Variants in NEGR1 observed in about 807,000 individuals in gnomAD.
The protein encoded by NEGR1 is IgLON family member 4.
In NEGR1, 10 loss-of-function variants were observed where a neutral mutation model predicts 40.9. The ratio of observed to expected loss-of-function variants is 0.24; its 90% confidence interval spans 0.15 to 0.42. The LOEUF is 0.42. Among genes scored for constraint, NEGR1 ranks in the 10% least tolerant of loss-of-function variants. The probability of loss-of-function intolerance (pLI) is 1.00; values close to 1 mark genes in which losing one functional copy is unlikely to be tolerated. For missense variants in NEGR1, 352 were observed against 438.9 expected, an observed-to-expected ratio of 0.80 and a Z score of 1.77; for synonymous variants, 185 against 166.8, an observed-to-expected ratio of 1.11 and a Z score of -0.84.
intron 3 of NEGR1, among the ~76,000 whole-genome samples, chr1:71,743,407 GT>G (rs201865058): frequency 0.035 from 5,074 of 143,474 alleles, 138 homozygotes; most frequent in Admixed American, 0.089. Flanking sequence ...GCTGTCATTG[GT>G]TTTTTTTTTT....
At chr1:71,859,833 G>T (rs1196659564) in intron 2 of NEGR1, among the ~76,000 whole-genome samples, 1 of 151,984 alleles carries the variant, frequency 6.6e-6, no homozygotes, top group Non-Finnish European at 1.5e-5. Context: ...GTATTTAATT[G>T]TTCAGTAAAA....
chr1:71,705,532 A>T (rs547157137), intron 3 of NEGR1, among the ~76,000 whole-genome samples: 2 of 152,294 alleles, frequency 1.3e-5, no homozygotes, highest in African/African-American at 4.8e-5. Flanking sequence ...ACAAATTTTG[A>T]AAGTCAGTAA....
chr1:71,996,344 T>G (rs1646504625), intron 1 of NEGR1, among the ~76,000 whole-genome samples: 1 of 152,174 alleles, frequency 6.6e-6, no homozygotes, highest in African/African-American at 2.4e-5. Flanking sequence ...TAGGATCATA[T>G]GCTACCCTAC....
At chr1:71,844,411 T>A (rs1479534417) in intron 2 of NEGR1, among the ~76,000 whole-genome samples, 1 of 152,200 alleles carries the variant, frequency 6.6e-6, no homozygotes, top group African/African-American at 2.4e-5. Flanking sequence ...AAATCAGTTT[T>A]ACTTATGGTT....
chr1:71,456,966 C>T (rs1388830674), intron 6 of NEGR1, among the ~76,000 whole-genome samples: 1 of 152,110 alleles, frequency 6.6e-6, no homozygotes, highest in Non-Finnish European at 1.5e-5. Flanking sequence ...TTGAATGTAT[C>T]CTGTTCTGGG....
At chr1:72,162,482 A>G (rs184420489) in intron 1 of NEGR1, among the ~76,000 whole-genome samples, 233 of 152,112 alleles carry the variant, frequency 1.5e-3, no homozygotes, top group Middle Eastern at 3.4e-3. Context: ...ACAAACAAAC[A>G]AAAGAAAAAC....
chr1:71,461,700 ATCTACAT>A (rs2101344291), intron 6 of NEGR1: 1 of 152,300 alleles, frequency 6.6e-6, no homozygotes, highest in South Asian at 2.1e-4. Context: ...GAAAGAGGCA[ATCTACAT>A]TTATGGCTGA....
intron 3 of NEGR1, among the ~76,000 whole-genome samples, chr1:71,775,901 G>A (rs1351717086): frequency 6.6e-6 from 1 of 151,788 alleles, no homozygotes; most frequent in East Asian, 2.0e-4. Context: ...GCTGAGGCAG[G>A]AGAATCGCTT....
At chr1:71,876,414 C>T (rs1007440495) in intron 2 of NEGR1, among the ~76,000 whole-genome samples, 1 of 151,834 alleles carries the variant, frequency 6.6e-6, no homozygotes, top group African/African-American at 2.4e-5. Flanking sequence ...AATCTAGGGG[C>T]TCAGTCAGGA....
At chr1:71,975,918 G>A (rs1023267385) in intron 1 of NEGR1, among the ~76,000 whole-genome samples, 8 of 152,190 alleles carry the variant, frequency 5.3e-5, no homozygotes, top group Non-Finnish European at 2.9e-5. Flanking sequence ...TCAAGCACCA[G>A]TTATTTGGAG....
chr1:72,138,505 A>C (rs950157005), intron 1 of NEGR1, among the ~76,000 whole-genome samples: 1 of 151,990 alleles, frequency 6.6e-6, no homozygotes, highest in Non-Finnish European at 1.5e-5. Context: ...AAAGACATAA[A>C]TAAGTTAAAA....
chr1:71,959,747 C>T (rs1474825873), intron 1 of NEGR1, among the ~76,000 whole-genome samples: 5 of 151,860 alleles, frequency 3.3e-5, no homozygotes, highest in African/African-American at 1.2e-4. Context: ...TCCAATTTTA[C>T]TTTAAATATT....
intron 5 of NEGR1, among the ~76,000 whole-genome samples, chr1:71,597,965 T>G (rs939300325): frequency 1.3e-5 from 2 of 151,902 alleles, no homozygotes; most frequent in Non-Finnish European, 2.9e-5. Flanking sequence ...GTGTTACGAG[T>G]GTGAAAAATC....
At chr1:71,943,255 T>C (rs1035610139) in intron 1 of NEGR1, among the ~76,000 whole-genome samples, 1 of 149,640 alleles carries the variant, frequency 6.7e-6, no homozygotes, top group African/African-American at 2.5e-5. Context: ...CACACATACA[T>C]ACACATGTAT....
chr1:71,882,351 T>C (rs1337713057), intron 2 of NEGR1, among the ~76,000 whole-genome samples: 1 of 152,106 alleles, frequency 6.6e-6, no homozygotes, highest in Non-Finnish European at 1.5e-5. Context: ...GAAGATTTCA[T>C]CCTGTTTGGG....
intron 1 of NEGR1, among the ~76,000 whole-genome samples, chr1:72,143,896 T>A (rs796862222): frequency 4.5e-5 from 3 of 66,524 alleles, no homozygotes; most frequent in Non-Finnish European, 9.8e-5. Context: ...ATATATATAT[T>A]ATATATATGA....
chr1:71,447,431 T>C (rs1450196268), intron 6 of NEGR1, among the ~76,000 whole-genome samples: 1 of 152,192 alleles, frequency 6.6e-6, no homozygotes, highest in African/African-American at 2.4e-5. Flanking sequence ...AATTCAAGCC[T>C]CTTAGTCCCA....
At chr1:71,692,390 G>T (rs887818813) in intron 4 of NEGR1, among the ~76,000 whole-genome samples, 1 of 151,708 alleles carries the variant, frequency 6.6e-6, no homozygotes, top group Middle Eastern at 3.4e-3. Flanking sequence ...AATGGATCCA[G>T]AAATAAAACA....
intron 1 of NEGR1, among the ~76,000 whole-genome samples, chr1:72,114,760 A>G (rs1649519100): frequency 6.6e-6 from 1 of 151,812 alleles, no homozygotes; most frequent in Non-Finnish European, 1.5e-5. Context: ...GACAGATTTG[A>G]GAGCACCCTT....
Sources: allele counts gnomAD v4.1 joint callset (sites outside exome capture counted in the v4.1 genomes callset), GRCh38; gene constraint gnomAD v4.1.1; transcripts MANE v1.5; gene names NCBI Gene and HGNC (gene_info 2026-07-23, HGNC 2026-07-21).